IL1RAPL1: variants seen among roughly 807,000 people sequenced by gnomAD.
IL1RAPL1 encodes interleukin 1 receptor accessory protein like 1, also known as interleukin-1 receptor accessory protein-like 1.
Under a neutral mutation model 48.4 loss-of-function variants are expected in IL1RAPL1, and 3 were observed. That is an observed-to-expected ratio of 0.06 (90% confidence interval 0.03 to 0.16). The LOEUF is 0.16. IL1RAPL1 is among the 10% of genes least tolerant of loss of function. The pLI is 1.00. For synonymous variants in IL1RAPL1, 185 were observed against 187.7 expected, an observed-to-expected ratio of 0.99 and a Z score of 0.12; for missense variants, 349 against 530.6, an observed-to-expected ratio of 0.66 and a Z score of 3.36.
At chrX:29,187,955 C>T (rs1161717452) in intron 2 of IL1RAPL1, among the ~76,000 whole-genome samples, 4 of 111,895 alleles carry the variant, frequency 3.6e-5, no homozygotes, top group Non-Finnish European at 5.6e-5. Context: ...CTAAACTGCC[C>T]TCTAGAGCTC....
intron 2 of IL1RAPL1, among the ~76,000 whole-genome samples, chrX:28,808,425 C>T (rs903883318): frequency 1.2e-4 from 13 of 110,508 alleles, no homozygotes; most frequent in East Asian, 2.9e-4. Context: ...TACATCTCTG[C>T]GAATTGCAAG....
intron 2 of IL1RAPL1, among the ~76,000 whole-genome samples, chrX:28,969,864 CATAT>C (rs752059677): frequency 8.2e-5 from 8 of 97,967 alleles, no homozygotes; most frequent in East Asian, 6.4e-4. Flanking sequence ...TTTCTAAACA[CATAT>C]ATATATGTTT....
intron 5 of IL1RAPL1, among the ~76,000 whole-genome samples, chrX:29,505,068 C>T (rs113623986): frequency 5.0e-4 from 56 of 111,396 alleles, no homozygotes; most frequent in Non-Finnish European, 7.6e-4. Flanking sequence ...TTTGAAGAGA[C>T]GACAACTTAT....
intron 2 of IL1RAPL1, among the ~76,000 whole-genome samples, chrX:29,172,451 A>G (rs1929927241): frequency 9.0e-6 from 1 of 111,655 alleles, no homozygotes; most frequent in Admixed American, 9.6e-5. Context: ...TTTGAGGCTT[A>G]CAACGTAATG....
chrX:29,627,379 T>G (rs1444627958), intron 5 of IL1RAPL1, among the ~76,000 whole-genome samples: 2 of 112,570 alleles, frequency 1.8e-5, no homozygotes, highest in Non-Finnish European at 3.8e-5. Context: ...AAAGCATTGT[T>G]TCTGTTTCCT....
chrX:28,642,855 T>TA (rs1934563221), intron 1 of IL1RAPL1, among the ~76,000 whole-genome samples: 1 of 110,926 alleles, frequency 9.0e-6, no homozygotes, highest in Non-Finnish European at 1.9e-5. Flanking sequence ...AAAAACCCTT[T>TA]AAAAAATCAA....
Position 29,198,690 on chromosome X carries a change from T to C in IL1RAPL1, c.83-84248T>C, listed in dbSNP as rs757532545. Among the ~76,000 whole-genome samples, 4 of 111,718 alleles carry C rather than the reference T, an allele frequency of 3.6e-5. No homozygotes were observed. The East Asian group carries it at 1.1e-3, about 31-fold the overall frequency. On this transcript the variant is annotated intron_variant, in intron 2 of 10. Transcript: ENST00000378993. Reference sequence around the variant, plus strand: ...ATGGCAATTGTTGGCCACTTTAATATAAATATATTCCCTGGGTCAGTATTT... The same window carrying C: ...ATGGCAATTGTTGGCCACTTTAATACAAATATATTCCCTGGGTCAGTATTT...
chrX:29,326,036 A>T (rs1210045518), intron 3 of IL1RAPL1, among the ~76,000 whole-genome samples: 1 of 112,216 alleles, frequency 8.9e-6, no homozygotes, highest in Non-Finnish European at 1.9e-5. Flanking sequence ...CCCATCTCCA[A>T]CATTGAAGAC....
intron 2 of IL1RAPL1, among the ~76,000 whole-genome samples, chrX:28,949,957 G>A (rs1450327168): frequency 6.3e-5 from 7 of 110,543 alleles, no homozygotes; most frequent in Middle Eastern, 9.2e-3. Flanking sequence ...GATCCCATTT[G>A]TCAATTTTGT....
chrX:29,545,292 C>G (rs1921591059), intron 5 of IL1RAPL1, among the ~76,000 whole-genome samples: 2 of 110,404 alleles, frequency 1.8e-5, no homozygotes, highest in Non-Finnish European at 3.8e-5. Flanking sequence ...TGCTAGTTTT[C>G]CTGAGTCTTT....
chrX:29,465,059 C>T (rs1178319124), intron 5 of IL1RAPL1, among the ~76,000 whole-genome samples: 1 of 111,658 alleles, frequency 9.0e-6, no homozygotes, highest in Non-Finnish European at 1.9e-5. Context: ...GCAACATGTA[C>T]CCCTTATCCT....
intron 6 of IL1RAPL1, among the ~76,000 whole-genome samples, chrX:29,792,783 G>T (rs1929666112): frequency 9.0e-6 from 1 of 110,838 alleles, no homozygotes; most frequent in African/African-American, 3.3e-5. Context: ...AAAATTAAGA[G>T]ATTTAGCTGG....
chrX:29,510,108 T>A (rs745993488), intron 5 of IL1RAPL1, among the ~76,000 whole-genome samples: 1 of 112,429 alleles, frequency 8.9e-6, no homozygotes, highest in East Asian at 2.8e-4. Context: ...GCTTAATGGA[T>A]GAGTGGCATA....
In IL1RAPL1 at chrX:29,142,421, TG is replaced by T. The variant is rs1411912916; in HGVS notation, c.83-140515del. On this transcript the variant is annotated intron_variant, in intron 2 of 10. Transcript: ENST00000378993. Reference sequence around the variant, plus strand: ...GAAAGACTGTAGAACTGTCACAGTTTGGAGGAGACTAAGAAGACATGGCAAC... The same window carrying T: ...GAAAGACTGTAGAACTGTCACAGTTTGAGGAGACTAAGAAGACATGGCAAC... Among the ~76,000 whole-genome samples, 3 of 111,856 alleles carry T rather than the reference TG, an allele frequency of 2.7e-5. No individual in the cohort carries two copies. The Admixed American group carries it at 2.9e-4, about 11-fold the overall frequency.
At chrX:29,213,405 ACC>A (rs771754830) in intron 2 of IL1RAPL1, among the ~76,000 whole-genome samples, 1 of 112,685 alleles carries the variant, frequency 8.9e-6, no homozygotes, top group Non-Finnish European at 1.9e-5. Context: ...AGCACTTTCT[ACC>A]CATGCCTCAA....
At chrX:29,707,114 AAAGTGGGCT>A (rs1257812801) in intron 6 of IL1RAPL1, among the ~76,000 whole-genome samples, 1 of 111,353 alleles carries the variant, frequency 9.0e-6, no homozygotes, top group Non-Finnish European at 1.9e-5. Context: ...ATCCCATCAA[AAAGTGGGCT>A]AAGGACATGA....
At chrX:29,402,562 A>C (rs182123962) in intron 5 of IL1RAPL1, among the ~76,000 whole-genome samples, 145 of 111,956 alleles carry the variant, frequency 1.3e-3, no homozygotes, top group Non-Finnish European at 1.3e-3. Context: ...TCTAGCCTGC[A>C]TTCAGTTCCC....
chrX:29,317,823 A>AT (rs1259529122), intron 3 of IL1RAPL1, among the ~76,000 whole-genome samples: 3 of 111,805 alleles, frequency 2.7e-5, no homozygotes, highest in Non-Finnish European at 5.6e-5. Flanking sequence ...TATTGTAAAG[A>AT]TTTTTTTCTT....
chrX:29,862,082 G>A (rs1301331468), intron 6 of IL1RAPL1, among the ~76,000 whole-genome samples: 1 of 108,269 alleles, frequency 9.2e-6, no homozygotes, highest in East Asian at 2.9e-4. Context: ...GTGTGGTAGA[G>A]CATGAAGTTG....
Sources: allele counts gnomAD v4.1 joint callset (sites outside exome capture counted in the v4.1 genomes callset), GRCh38; gene constraint gnomAD v4.1.1; transcripts MANE v1.5; gene names NCBI Gene and HGNC (gene_info 2026-07-23, HGNC 2026-07-21).